Variants in NRG3 observed in about 807,000 individuals in gnomAD.
NRG3 encodes pro-neuregulin-3, membrane-bound isoform.
A neutral mutation model predicts 66.9 loss-of-function variants in NRG3; 31 were observed. The observed-to-expected ratio is 0.46, with a 90% CI of 0.35 to 0.63. NRG3 has a LOEUF of 0.63. Among genes scored for constraint, NRG3 ranks in the 20% least tolerant of loss-of-function variants. The pLI, the probability that NRG3 is intolerant of heterozygous loss-of-function variation, is 0.00. For missense variants in NRG3, 910 were observed against 878.9 expected (o/e 1.04, Z -0.45); for synonymous variants, 393 against 359.4 (o/e 1.09, Z -1.06).
chr10:82,430,789 G>T (rs1198600774), intron 2 of NRG3, among the ~76,000 whole-genome samples: 1 of 152,080 alleles, frequency 6.6e-6, no homozygotes, highest in African/African-American at 2.4e-5. Flanking sequence ...TTGGAATATT[G>T]ATTTCCTTCA....
At chr10:82,003,292 C>T (rs974240918) in intron 1 of NRG3, among the ~76,000 whole-genome samples, 1 of 152,170 alleles carries the variant, frequency 6.6e-6, no homozygotes, top group African/African-American at 2.4e-5. Context: ...AGATGTCAAA[C>T]AGGCAACTGA....
intron 1 of NRG3, among the ~76,000 whole-genome samples, chr10:81,940,068 A>T (rs1193396365): frequency 1.3e-5 from 2 of 151,976 alleles, no homozygotes; most frequent in Non-Finnish European, 2.9e-5. Flanking sequence ...TCTATTTGTG[A>T]ATTTTCCAGT....
chr10:82,182,379 A>G (rs2073486734), intron 1 of NRG3, among the ~76,000 whole-genome samples: 1 of 151,372 alleles, frequency 6.6e-6, no homozygotes, highest in South Asian at 2.1e-4. Flanking sequence ...AGTGACATGC[A>G]TTGTTTTCTT....
intron 4 of NRG3, among the ~76,000 whole-genome samples, chr10:82,915,369 C>A (rs1442535347): frequency 6.6e-6 from 1 of 152,132 alleles, no homozygotes; most frequent in Non-Finnish European, 1.5e-5. Flanking sequence ...AGGTCTATGA[C>A]CTGTTTTTGA....
intron 1 of NRG3, among the ~76,000 whole-genome samples, chr10:82,288,312 T>C (rs1291055993): frequency 6.6e-6 from 1 of 152,234 alleles, no homozygotes; most frequent in Non-Finnish European, 1.5e-5. Flanking sequence ...ATTCTTATTT[T>C]ATTACTGAAG....
intron 2 of NRG3, among the ~76,000 whole-genome samples, chr10:82,732,697 C>T (rs946468805): frequency 5.9e-5 from 9 of 152,118 alleles, no homozygotes; most frequent in African/African-American, 2.2e-4. Flanking sequence ...AATAATAAAT[C>T]CAGGGGGTGG....
chr10:82,350,469 A>G (rs748085418), intron 1 of NRG3, among the ~76,000 whole-genome samples: 3 of 152,238 alleles, frequency 2.0e-5, no homozygotes, highest in Admixed American at 6.5e-5. Flanking sequence ...ACTGCAATTC[A>G]GAGTGATCAT....
In NRG3 at chr10:82,197,566, T is replaced by C. The variant is rs369230107; in HGVS notation, c.824-161173T>C. 3.3e-3 allele frequency among the ~76,000 whole-genome samples: 502 copies of C among 152,308 alleles called. 2 individuals carry two copies. The highest frequency in any genetic ancestry group is 0.011 in the African/African-American group (477 of 41,572). ...TGGCATAGGTTCAATTATATTTTCA[T>C]TGATAATTTTCCTATAAATCCATGC... On this transcript the variant is annotated intron_variant, in intron 1 of 8. Coordinates refer to ENST00000372141, the MANE Select transcript of NRG3 (RefSeq NM_001010848.4).
At chr10:82,602,081 T>C in intron 2 of NRG3, among the ~76,000 whole-genome samples, 1 of 151,560 alleles carries the variant, frequency 6.6e-6, no homozygotes, top group Middle Eastern at 3.2e-3. Flanking sequence ...AAGCCCTGTC[T>C]CTAAAAAATA....
intron 2 of NRG3, among the ~76,000 whole-genome samples, chr10:82,588,763 A>G (rs968350040): frequency 3.3e-5 from 5 of 152,102 alleles, no homozygotes; most frequent in Non-Finnish European, 5.9e-5. Context: ...GGCCTCCCAA[A>G]GTGTTGGGAT....
intron 4 of NRG3, among the ~76,000 whole-genome samples, chr10:82,908,752 G>T (rs1845010555): frequency 6.6e-6 from 1 of 152,248 alleles, no homozygotes; most frequent in South Asian, 2.1e-4. Context: ...GTCAGGCAAA[G>T]GAGCTTAGCT....
chr10:81,912,530 A>G (rs1845266189), intron 1 of NRG3, among the ~76,000 whole-genome samples: 4 of 152,196 alleles, frequency 2.6e-5, no homozygotes, highest in African/African-American at 9.7e-5. Context: ...CCTATACAGA[A>G]TATTATTTTG....
chr10:82,724,991 C>G (rs1487701065), intron 2 of NRG3, among the ~76,000 whole-genome samples: 1 of 152,192 alleles, frequency 6.6e-6, no homozygotes, highest in African/African-American at 2.4e-5. Flanking sequence ...CTCTCTCCTT[C>G]TGAGAACAGA....
chr10:82,308,520 A>G (rs1171193174), intron 1 of NRG3, among the ~76,000 whole-genome samples: 1 of 152,102 alleles, frequency 6.6e-6, no homozygotes, highest in Non-Finnish European at 1.5e-5. Context: ...TGCAGATTGG[A>G]ATTGTCACCT....
intron 3 of NRG3, chr10:82,843,219 A>G (rs997761157): frequency 4.4e-6 from 2 of 454,000 alleles, no homozygotes; most frequent in Admixed American, 4.7e-5. Context: ...TTGTCATTAT[A>G]ACAGTATTAC....
At chr10:82,243,566 T>C (rs1337142925) in intron 1 of NRG3, among the ~76,000 whole-genome samples, 1 of 152,162 alleles carries the variant, frequency 6.6e-6, no homozygotes, top group African/African-American at 2.4e-5. Flanking sequence ...TCAAAATGAC[T>C]TTACACTTTC....
rs1341809941 is a variant in NRG3, at chr10:81,963,173, G to A, written c.823+87010G>A. ...TTTTGAGACGGAGTCTCGCTCTGTC[G>A]CCCAGGCTGGAGTGCAGTGGCGGGA... On this transcript the variant is annotated intron_variant, in intron 1 of 8. Transcript: ENST00000372141. 5.6e-5 allele frequency among the ~76,000 whole-genome samples: 6 copies of A among 108,052 alleles called. No homozygotes were observed. In the South Asian group the frequency reaches 1.3e-3, roughly 24 times the overall value. The allele number at this position is 108,052 out of a possible 152,430, so 70.9% of individuals were successfully genotyped here. A position where few individuals can be genotyped will look rare whatever the true frequency, so the allele number is the denominator to read the frequency against.
At chr10:82,017,909 A>G (rs544875508) in intron 1 of NRG3, among the ~76,000 whole-genome samples, 1 of 152,232 alleles carries the variant, frequency 6.6e-6, no homozygotes, top group African/African-American at 2.4e-5. Context: ...CTCTGATGGC[A>G]GTTTCTTTTG....
chr10:82,690,124 A>AC (rs2054809517), intron 2 of NRG3, among the ~76,000 whole-genome samples: 1 of 152,188 alleles, frequency 6.6e-6, no homozygotes, highest in Admixed American at 6.5e-5. Flanking sequence ...ATTTATTTCC[A>AC]CACATATAAG....
Sources: gnomAD v4.1 joint callset for allele counts (sites outside exome capture counted in the v4.1 genomes callset) on GRCh38, gnomAD v4.1.1 for gene constraint, MANE v1.5 for transcripts, NCBI Gene and HGNC (gene_info 2026-07-23, HGNC 2026-07-21) for gene names.